Variants in DNAH14 observed in about 807,000 individuals in gnomAD.
The protein encoded by DNAH14 is dynein axonemal heavy chain 14, also known as axonemal beta dynein heavy chain 14.
Under a neutral mutation model 520.9 loss-of-function variants are expected in DNAH14, and 478 were observed. That is an observed-to-expected ratio of 0.92 (90% confidence interval 0.85 to 0.99). The LOEUF (loss-of-function observed/expected upper bound fraction) is 0.99, where lower values mean the gene tolerates loss of function less well. DNAH14 is among the 50% of genes least tolerant of loss of function. DNAH14 has a pLI of 0.00. For synonymous variants in DNAH14, 1,581 were observed against 1,757.2 expected (o/e 0.90, Z 2.51); for missense variants, 4,831 against 5,234.5 (o/e 0.92, Z 2.38).
intron 82 of DNAH14, among the ~76,000 whole-genome samples, chr1:225,389,463 C>T: frequency 6.6e-6 from 1 of 152,226 alleles, no homozygotes; most frequent in East Asian, 1.9e-4. Context: ...AAACAACGGA[C>T]AAGATTCTGC....
intron 36 of DNAH14, among the ~76,000 whole-genome samples, chr1:225,173,058 G>A (rs946306442): frequency 5.3e-5 from 8 of 152,332 alleles, no homozygotes; most frequent in African/African-American, 1.9e-4. Flanking sequence ...CTAGCCATAT[G>A]TAGAAAGCTG....
At position 225,051,634 on chromosome 1, in the gene DNAH14, A is replaced by G. The variant is rs951525837; in HGVS notation, c.2263A>G (p.Arg755Gly). 4 of 1,551,064 alleles carry G rather than the reference A, an allele frequency of 2.6e-6. No individual in the cohort carries two copies. Among genetic ancestry groups the G allele is most frequent in the Non-Finnish European group, 3.5e-6 (4 of 1,146,556 alleles). ...TCTAAATAGATTCAGAAACTATTTT[A>G]GACATATTGTGAATATGGCCATTGA... ...AILNRFRNYF[R>G]HIVNMAIEKR... is the part of the protein sequence containing the mutation. Residue 755 changes from arginine to glycine, a missense_variant, in exon 17 of 86, where the codon AGA becomes GGA. Transcript: ENST00000682510.
At chr1:225,303,021 C>G (rs1414181600) in intron 56 of DNAH14, 135 bp from the exon 57 acceptor site, 1 of 647,230 alleles carries the variant, frequency 1.5e-6, no homozygotes, top group Admixed American at 3.5e-5. Flanking sequence ...GCAGGCACTC[C>G]ATGCACAAAT....
intron 10 of DNAH14, 120 bp from the exon 11 acceptor site, chr1:225,023,495 A>G (rs981335345): frequency 3.6e-5 from 27 of 758,290 alleles, no homozygotes; most frequent in Non-Finnish European, 5.1e-5. Context: ...TTGAGGTATT[A>G]AAATATCAAT....
chr1:225,186,683 A>G (rs2084797126), intron 37 of DNAH14, among the ~76,000 whole-genome samples: 1 of 151,846 alleles, frequency 6.6e-6, no homozygotes, highest in Non-Finnish European at 1.5e-5. Flanking sequence ...AGTACCATGT[A>G]TAAGAAATCT....
At chr1:225,199,909 T>G (rs1173926242) in intron 38 of DNAH14, among the ~76,000 whole-genome samples, 1 of 152,226 alleles carries the variant, frequency 6.6e-6, no homozygotes. Context: ...TCTGATGACC[T>G]GTCTAGCACT....
At chr1:225,215,514 G>A (rs1427154866) in intron 41 of DNAH14, among the ~76,000 whole-genome samples, 1 of 152,180 alleles carries the variant, frequency 6.6e-6, no homozygotes, top group Non-Finnish European at 1.5e-5. Flanking sequence ...GGGTGTTAAA[G>A]TTTCCCAGTA....
chr1:224,930,184 T>C (rs937147500), intron 1 of DNAH14, among the ~76,000 whole-genome samples: 1 of 152,240 alleles, frequency 6.6e-6, no homozygotes, highest in Admixed American at 6.5e-5. Context: ...AATGAGCTAT[T>C]TGAAAAACCT....
intron 33 of DNAH14, 37 bp from the exon 34 acceptor site, chr1:225,153,712 AG>A: frequency 1.4e-6 from 2 of 1,429,116 alleles, no homozygotes; most frequent in South Asian, 2.5e-5. Flanking sequence ...TTTTTTCTTT[AG>A]AAACTTTAAT....
At chr1:225,030,899 A>C (rs958622670) in intron 11 of DNAH14, among the ~76,000 whole-genome samples, 1 of 151,988 alleles carries the variant, frequency 6.6e-6, no homozygotes, top group Non-Finnish European at 1.5e-5. Context: ...ATTAACTAGC[A>C]GATTTATTCA....
At position 225,240,631 on chromosome 1, in the gene DNAH14, A is replaced by G. The variant is rs2091911306; in HGVS notation, c.6557A>G (p.Lys2186Arg). ...NTWYPEKNPD[K>R]LTKIIQKLFV... ...TGGTATCCAGAGAAAAATCCTGATA[A>G]ATTAACAAAAATTATTCAAAAGCTT... Residue 2186 changes from lysine (K) to arginine (R), a missense_variant, in exon 43 of 86, where the codon AAA becomes AGA. Coordinates refer to ENST00000682510, the MANE Select transcript of DNAH14 (RefSeq NM_001367479.1). The G allele has an allele frequency of 5.8e-6, 9 of 1,550,484 alleles. No homozygotes were observed. Among genetic ancestry groups the G allele is most frequent in the African/African-American group, 1.4e-5 (1 of 73,000 alleles).
intron 27 of DNAH14, among the ~76,000 whole-genome samples, chr1:225,124,476 A>G (rs534330462): frequency 1.3e-5 from 2 of 152,254 alleles, no homozygotes; most frequent in African/African-American, 2.4e-5. Context: ...TAATGTTCAC[A>G]GCAACTTCAT....
rs1165339812 is a variant in DNAH14, at chr1:224,955,023, A to G, written c.142A>G (p.Ile48Val). The G allele has an allele frequency of 6.2e-7, 1 of 1,611,534 alleles. No homozygotes were observed. Among genetic ancestry groups the G allele is most frequent in the Admixed American group, 1.7e-5 (1 of 59,934 alleles). ...ACCATTAGAGACTCAACCAGCTGAAATAGCAGAAAAGGAAACATTGGAATA... is the reference window on the plus strand; with the variant it reads ...ACCATTAGAGACTCAACCAGCTGAAGTAGCAGAAAAGGAAACATTGGAATA... ...VKPLETQPAE[I>V]AEKETLEYKT... is the part of the protein sequence containing the mutation. The change falls in exon 3 of 86, where the codon ATA becomes GTA. Residue 48 changes from isoleucine to valine, a missense_variant. Ile to Val is a conservative substitution (Grantham distance 29). Transcript: ENST00000682510.
Position 225,331,436 on chromosome 1 carries a change from G to A in DNAH14, c.9724-1G>A. The A allele has an allele frequency of 6.5e-7, 1 of 1,549,686 alleles. No homozygotes were observed. The highest frequency in any genetic ancestry group is 8.7e-7 in the Non-Finnish European group (1 of 1,146,194). On this transcript the variant is annotated splice_acceptor_variant, in intron 64 of 85. Transcript: ENST00000682510. LOFTEE classifies it high-confidence loss of function. ...TCAATAATGAATTAATTATCTTTCA[G>A]GTTGAAGAACATTTGCTGTTTTTAC...
At chr1:225,198,679 A>G (rs888257071) in intron 38 of DNAH14, among the ~76,000 whole-genome samples, 1 of 152,164 alleles carries the variant, frequency 6.6e-6, no homozygotes, top group African/African-American at 2.4e-5. Flanking sequence ...TCATCCCTGC[A>G]TCCCTGAAAC....
intron 64 of DNAH14, among the ~76,000 whole-genome samples, chr1:225,325,799 A>G (rs954030912): frequency 3.9e-5 from 6 of 151,914 alleles, no homozygotes; most frequent in Admixed American, 2.6e-4. Context: ...TCGGGATTTT[A>G]CTTAATATCT....
At chr1:224,932,569 T>A (rs1420020813) in intron 1 of DNAH14, among the ~76,000 whole-genome samples, 1 of 151,890 alleles carries the variant, frequency 6.6e-6, no homozygotes, top group Non-Finnish European at 1.5e-5. Flanking sequence ...TTGGATCTTA[T>A]GTTTAAGTCT....
At chr1:225,185,739 A>G (rs1280656823) in intron 37 of DNAH14, among the ~76,000 whole-genome samples, 3 of 151,686 alleles carry the variant, frequency 2.0e-5, no homozygotes, top group East Asian at 3.9e-4. Flanking sequence ...TTGAATATTT[A>G]TATAACTTCT....
At chr1:225,172,603 G>A (rs1434697694) in intron 36 of DNAH14, among the ~76,000 whole-genome samples, 2 of 152,140 alleles carry the variant, frequency 1.3e-5, no homozygotes, top group African/African-American at 4.8e-5. Flanking sequence ...ACTGCTCAAT[G>A]AAATAAAAGA....
Sources: gnomAD v4.1 joint callset for allele counts (sites outside exome capture counted in the v4.1 genomes callset) on GRCh38, gnomAD v4.1.1 for gene constraint, MANE v1.5 for transcripts, NCBI Gene and HGNC (gene_info 2026-07-23, HGNC 2026-07-21) for gene names.